Variants in MIR2052HG observed in about 807,000 individuals in gnomAD.
MIR2052HG encodes MIR2052 host gene.
intron 1 of MIR2052HG, chr8:74,603,528 C>T: frequency 6.5e-7 from 1 of 1,537,928 alleles, no homozygotes; most frequent in Non-Finnish European, 9.0e-7. Flanking sequence ...GAGAAGTAGT[C>T]TGAGCAGATG....
chr8:74,749,356 A>T (rs1187787854), intron 4 of MIR2052HG, among the ~76,000 whole-genome samples: 1 of 152,116 alleles, frequency 6.6e-6, no homozygotes, highest in East Asian at 1.9e-4. Flanking sequence ...CTACTCTGGA[A>T]TATCTCAGAG....
At chr8:74,670,776 T>C (rs1427928449) in intron 2 of MIR2052HG, among the ~76,000 whole-genome samples, 3 of 152,062 alleles carry the variant, frequency 2.0e-5, no homozygotes, top group Non-Finnish European at 2.9e-5. Flanking sequence ...AGAGTCAAGA[T>C]TGGAAAGGTG....
intron 4 of MIR2052HG, among the ~76,000 whole-genome samples, chr8:74,738,557 G>T (rs1342424414): frequency 1.3e-5 from 2 of 152,016 alleles, no homozygotes; most frequent in East Asian, 3.9e-4. Context: ...AAGCCATTTT[G>T]GTAGAAGGAA....
At chr8:74,693,111 A>G (rs914152968) in intron 2 of MIR2052HG, among the ~76,000 whole-genome samples, 3 of 152,220 alleles carry the variant, frequency 2.0e-5, no homozygotes, top group African/African-American at 7.2e-5. Context: ...CTGACAAGTT[A>G]TATGATCATG....
chr8:74,723,213 T>A (rs117637242), intron 4 of MIR2052HG, among the ~76,000 whole-genome samples: 3 of 152,358 alleles, frequency 2.0e-5, no homozygotes, highest in Admixed American at 6.5e-5. Flanking sequence ...ACTCAAGTCA[T>A]CTCCTCTCTA....
chr8:74,707,015 T>C (rs1298262145), intron 4 of MIR2052HG, among the ~76,000 whole-genome samples: 1 of 152,140 alleles, frequency 6.6e-6, no homozygotes, highest in East Asian at 1.9e-4. Context: ...CATCCCACTA[T>C]TGCATTTTCT....
chr8:74,623,554 A>G (rs1228308987), intron 2 of MIR2052HG, among the ~76,000 whole-genome samples: 1 of 152,260 alleles, frequency 6.6e-6, no homozygotes, highest in Non-Finnish European at 1.5e-5. Context: ...TAAAATAAAT[A>G]CAATGTCATT....
chr8:74,737,283 T>C (rs997476430), intron 4 of MIR2052HG, among the ~76,000 whole-genome samples: 18 of 152,110 alleles, frequency 1.2e-4, no homozygotes, highest in African/African-American at 4.3e-4. Flanking sequence ...ACAACTTCAT[T>C]TACATAAAGT....
chr8:74,678,799 G>C (rs761432385), intron 2 of MIR2052HG, among the ~76,000 whole-genome samples: 3 of 151,832 alleles, frequency 2.0e-5, no homozygotes, highest in Non-Finnish European at 4.4e-5. Flanking sequence ...TGGGAATGAA[G>C]AATACATTCC....
At chr8:74,635,240 A>ATT (rs199652112) in intron 2 of MIR2052HG, among the ~76,000 whole-genome samples, 4 of 145,562 alleles carry the variant, frequency 2.7e-5, no homozygotes, top group Admixed American at 2.1e-4. Flanking sequence ...ACAAAAACAG[A>ATT]TTTTTTTTTT....
chr8:74,652,116 T>C (rs1477913814), intron 2 of MIR2052HG, among the ~76,000 whole-genome samples: 6 of 152,200 alleles, frequency 3.9e-5, no homozygotes, highest in African/African-American at 1.4e-4. Flanking sequence ...GGCTATAGCC[T>C]CAGTGTCATC....
chr8:74,676,233 A>G (rs994176085), intron 2 of MIR2052HG, among the ~76,000 whole-genome samples: 12 of 152,072 alleles, frequency 7.9e-5, no homozygotes, highest in African/African-American at 2.4e-4. Flanking sequence ...AATTATTTTA[A>G]ACATATGTAG....
chr8:74,719,078 T>A (rs1809548678), intron 4 of MIR2052HG, among the ~76,000 whole-genome samples: 1 of 25,588 alleles, frequency 3.9e-5, no homozygotes, highest in South Asian at 1.0e-3. Flanking sequence ...GTGTACATCT[T>A]TTTTTTTTTT....
intron 2 of MIR2052HG, among the ~76,000 whole-genome samples, chr8:74,659,046 A>G (rs1808835065): frequency 6.6e-6 from 1 of 152,242 alleles, no homozygotes; most frequent in Non-Finnish European, 1.5e-5. Context: ...TTTTATCAGG[A>G]CTAGTGTCTG....
chr8:74,682,852 C>A (rs2128739241), intron 2 of MIR2052HG, among the ~76,000 whole-genome samples: 1 of 152,036 alleles, frequency 6.6e-6, no homozygotes, highest in East Asian at 1.9e-4. Context: ...AAACTGGAAA[C>A]AAACCAATTA....
intron 5 of MIR2052HG, among the ~76,000 whole-genome samples, chr8:74,756,194 A>G (rs1418909558): frequency 6.6e-6 from 1 of 152,230 alleles, no homozygotes; most frequent in Non-Finnish European, 1.5e-5. Context: ...TGCTAGCTAA[A>G]TATGGGACAC....
At chr8:74,627,875 A>G (rs573078756) in intron 2 of MIR2052HG, among the ~76,000 whole-genome samples, 6 of 152,326 alleles carry the variant, frequency 3.9e-5, no homozygotes, top group East Asian at 1.9e-4. Flanking sequence ...CAAGATTACA[A>G]TTAGGGATGT....
At chr8:74,753,264 G>T (rs1188818209) in intron 5 of MIR2052HG, among the ~76,000 whole-genome samples, 1 of 152,186 alleles carries the variant, frequency 6.6e-6, no homozygotes, top group African/African-American at 2.4e-5. Flanking sequence ...TTGCCTTTGA[G>T]TGTAGATGTG....
At chr8:74,643,360 A>C (rs1409947337) in intron 2 of MIR2052HG, among the ~76,000 whole-genome samples, 1 of 152,208 alleles carries the variant, frequency 6.6e-6, no homozygotes, top group Non-Finnish European at 1.5e-5. Flanking sequence ...ATTAAAAAAA[A>C]AATTCTTTAA....
Sources: allele counts gnomAD v4.1 joint callset (sites outside exome capture counted in the v4.1 genomes callset), GRCh38; gene constraint gnomAD v4.1.1; transcripts MANE v1.5; gene names NCBI Gene and HGNC (gene_info 2026-07-23, HGNC 2026-07-21).